The following NAV1 variants were observed in gnomAD, a reference collection of about 807,000 sequenced individuals.
NAV1 encodes neuron navigator 1.
A neutral mutation model predicts 175.2 loss-of-function variants in NAV1; 18 were observed. The ratio of observed to expected loss-of-function variants is 0.10; its 90% CI spans 0.07 to 0.15. NAV1 has a LOEUF of 0.15. Ranked by LOEUF, NAV1 falls within the 10% of genes least tolerant of loss-of-function variation. The probability of loss-of-function intolerance (pLI) is 1.00; values close to 1 mark genes in which losing one functional copy is unlikely to be tolerated. For missense variants in NAV1, 1,731 were observed against 2,436.6 expected (o/e 0.71, Z 6.10); for synonymous variants, 897 against 978.7 (o/e 0.92, Z 1.56).
At chr1:201,548,121 C>T (rs745377810) in intron 1 of NAV1, among the ~76,000 whole-genome samples, 1 of 152,204 alleles carries the variant, frequency 6.6e-6, no homozygotes. Context: ...TTAGCACATG[C>T]TATGCTGTCC....
chr1:201,661,941 C>T (rs1271873229), intron 1 of NAV1, among the ~76,000 whole-genome samples: 2 of 152,228 alleles, frequency 1.3e-5, no homozygotes, highest in Non-Finnish European at 2.9e-5. Context: ...GTCATTTAAT[C>T]GTCACAACAA....
intron 3 of NAV1, among the ~76,000 whole-genome samples, chr1:201,768,641 T>TAAAAA (rs71281169): frequency 8.8e-6 from 1 of 114,172 alleles, no homozygotes; most frequent in African/African-American, 3.3e-5. Context: ...TTGTCTCAAT[T>TAAAAA]AAAAAAAAAA....
chr1:201,695,798 G>C lies in NAV1; in HGVS notation c.758-17019G>C, dbSNP rs139129618. Among the ~76,000 whole-genome samples, 785 of 152,282 alleles carry C rather than the reference G, an allele frequency of 5.2e-3. 8 individuals are homozygous for C. Among genetic ancestry groups the C allele is most frequent in the African/African-American group, 0.018 (761 of 41,548 alleles). On this transcript the variant is annotated intron_variant, in intron 1 of 29. Transcript: ENST00000367296. ...GTCTCACTTTGATAGGGGTCCAAAGGCTCCCCAGAGCAGTCCCAGGCCTGA... is the reference window on the plus strand; with the variant it reads ...GTCTCACTTTGATAGGGGTCCAAAGCCTCCCCAGAGCAGTCCCAGGCCTGA...
In NAV1 at chr1:201,642,525, T is replaced by TC. The variant is rs1553247054; in HGVS notation, c.5-6109_5-6108insC. ...CCGCACCCGGCCTCTTTCTTTCTTT[T>TC]TTTCTTTCTTTCTTTCTTTCTTTCT... On this transcript the variant is annotated intron_variant, in intron 2 of 29. Coordinates refer to the NAV1 transcript ENST00000367302. Among the ~76,000 whole-genome samples the TC allele has an allele frequency of 2.6e-3, 259 of 99,992 alleles. 10 individuals carry two copies. Among genetic ancestry groups the TC allele is most frequent in the African/African-American group, 9.9e-3 (227 of 22,850 alleles). The allele number at this position is 99,992 out of a possible 152,430, so 65.6% of individuals were successfully genotyped here. A position where few individuals can be genotyped will look rare whatever the true frequency, so the allele number is the denominator to read the frequency against.
At chr1:201,722,722 C>A (rs1672437628) in intron 3 of NAV1, among the ~76,000 whole-genome samples, 2 of 152,170 alleles carry the variant, frequency 1.3e-5, no homozygotes, top group South Asian at 4.1e-4. Context: ...ATGGCTGCAC[C>A]ATTTGATATT....
At chr1:201,794,665 A>G (rs1203687619) in intron 15 of NAV1, 88 bp downstream of exon 19, 1 of 1,171,948 alleles carries the variant, frequency 8.5e-7, no homozygotes, top group Non-Finnish European at 1.3e-6. Context: ...TAGTATTCCA[A>G]GTCCTATATC....
At chr1:201,635,091 T>C (rs996183731) in intron 2 of NAV1, among the ~76,000 whole-genome samples, 7 of 152,152 alleles carry the variant, frequency 4.6e-5, no homozygotes, top group Admixed American at 2.6e-4. Flanking sequence ...CAGGCTGGAG[T>C]GCAGTGGCAC....
At chr1:201,791,964 G>A (rs1677147158) in intron 13 of NAV1, 1 of 152,150 alleles carries the variant, frequency 6.6e-6, no homozygotes, top group Non-Finnish European at 1.5e-5. Context: ...ATTCATGTCT[G>A]GGAGATGCTG....
At chr1:201,641,505 C>A (rs540904605) in intron 2 of NAV1, among the ~76,000 whole-genome samples, 1 of 152,120 alleles carries the variant, frequency 6.6e-6, no homozygotes, top group Non-Finnish European at 1.5e-5. Flanking sequence ...CTCAAAAAGT[C>A]CCTGCTGATA....
intron 2 of NAV1, among the ~76,000 whole-genome samples, chr1:201,642,268 A>T (rs1036821720): frequency 6.8e-6 from 1 of 146,024 alleles, no homozygotes; most frequent in African/African-American, 2.6e-5. Flanking sequence ...GCTGGAGTGC[A>T]GTGGCGCGAT....
intron 1 of NAV1, among the ~76,000 whole-genome samples, chr1:201,682,384 G>GC (rs1426156338): frequency 2.6e-5 from 4 of 152,032 alleles, no homozygotes; most frequent in Non-Finnish European, 5.9e-5. Flanking sequence ...TTGTGACAAT[G>GC]CCTCTGATGG....
intron 3 of NAV1, among the ~76,000 whole-genome samples, chr1:201,775,415 A>G (rs1304254751): frequency 6.6e-6 from 1 of 152,192 alleles, no homozygotes; most frequent in Non-Finnish European, 1.5e-5. Context: ...CATGAGAAAA[A>G]ACTTAAATGA....
chr1:201,616,778 T>C (rs576156432), intron 2 of NAV1, among the ~76,000 whole-genome samples: 3 of 152,286 alleles, frequency 2.0e-5, no homozygotes, highest in African/African-American at 2.4e-5. Flanking sequence ...TAAGCCACCA[T>C]GCCCGGCCTG....
chr1:201,649,547 A>T, intron 1 of NAV1, 122 bp downstream of exon 5: 2 of 1,413,924 alleles, frequency 1.4e-6, no homozygotes, highest in Non-Finnish European at 1.8e-6. Flanking sequence ...CCTGTTCACG[A>T]TCAGGCTGTG....
At chr1:201,796,027 T>A (rs898212096) in intron 15 of NAV1, 2 of 152,244 alleles carry the variant, frequency 1.3e-5, no homozygotes, top group African/African-American at 2.4e-5. Flanking sequence ...CTGAATAATA[T>A]TCCATTGTGT....
At chr1:201,794,547 G>A in exon 15 of NAV1, 2 of 1,613,904 alleles carry the variant, frequency 1.2e-6, no homozygotes, top group Non-Finnish European at 1.7e-6. Context: ...CATTCAGGGA[G>A]CCCTTAATGC....
intron 1 of NAV1, among the ~76,000 whole-genome samples, chr1:201,657,089 A>T (rs1312872091): frequency 6.6e-6 from 1 of 152,210 alleles, no homozygotes; most frequent in African/African-American, 2.4e-5. Context: ...CTGGGACCTG[A>T]TTATCCCAAG....
chr1:201,734,485 GGAA>G (rs1174192693), intron 3 of NAV1, among the ~76,000 whole-genome samples: 1 of 30,866 alleles, frequency 3.2e-5, no homozygotes, highest in African/African-American at 1.1e-4. Flanking sequence ...AGGAGGAGGA[GGAA>G]GAAGGAGAAG....
rs753639449 is a variant in NAV1 at position 201,812,687 on chromosome 1, G to T, written c.5221+26G>T. On this transcript the variant is annotated intron_variant, in intron 27 of 29. Transcript: ENST00000367296. This position sits in a 1 kb window ranked among gnomAD's most constrained non-coding sequence, Gnocchi z 4.6. ...GTACTGGGGTCCAGCTTCCCCCGGG[G>T]GTCAGGAGGTGGCTTCCCTTTTCCA... 143 of 1,603,558 alleles carry T rather than the reference G, an allele frequency of 8.9e-5. 1 individual carries two copies. The South Asian group carries it at 1.6e-3, about 17-fold the overall frequency.
Sources: gnomAD v4.1 joint callset for allele counts (sites outside exome capture counted in the v4.1 genomes callset) on GRCh38, gnomAD v4.1.1 for gene constraint, Gnocchi (gnomAD v3.1) non-coding constraint, MANE v1.5 for transcripts, NCBI Gene and HGNC (gene_info 2026-07-23, HGNC 2026-07-21) for gene names.